The following EHMT1 variants were observed in gnomAD, a reference collection of about 807,000 sequenced individuals.
EHMT1 encodes the protein histone-lysine N-methyltransferase EHMT1.
EHMT1 carries 15 observed loss-of-function variants against 147.2 expected under a neutral mutation model. The ratio of observed to expected loss-of-function variants is 0.10; its 90% CI spans 0.07 to 0.16. The LOEUF is 0.16. Ranked by LOEUF, EHMT1 falls within the 10% of genes least tolerant of loss-of-function variation. The pLI, the probability that EHMT1 is intolerant of heterozygous loss-of-function variation, is 1.00. For missense variants in EHMT1, 1,587 were observed against 1,772.4 expected, an observed-to-expected ratio of 0.90 and a Z score of 1.88; for synonymous variants, 795 against 709.6, an observed-to-expected ratio of 1.12 and a Z score of -1.91.
At chr9:137,777,776 C>A in intron 12 of EHMT1, 106 bp from the exon 13 acceptor site, 1 of 1,501,016 alleles carries the variant, frequency 6.7e-7, no homozygotes. Context: ...GGACAGTAAG[C>A]AAATCCGCAG....
At chr9:137,832,755 C>A (rs1312506614) in intron 25 of EHMT1, 1 of 152,454 alleles carries the variant, frequency 6.6e-6, no homozygotes, top group African/African-American at 2.4e-5. Flanking sequence ...CTCTGCCAGA[C>A]GAGCTGCCCC....
chr9:137,711,995 C>T (rs1944777532), intron 2 of EHMT1, among the ~76,000 whole-genome samples: 1 of 152,208 alleles, frequency 6.6e-6, no homozygotes. Flanking sequence ...GGTTCTCGTC[C>T]ACCCACTGGC....
At chr9:137,630,560 C>T in intron 1 of EHMT1, among the ~76,000 whole-genome samples, 1 of 152,164 alleles carries the variant, frequency 6.6e-6, no homozygotes. Flanking sequence ...AACCTAGAAA[C>T]CTCAGGATGC....
Position 137,834,813 on chromosome 9 carries a change from C to T in EHMT1, c.3757C>T (p.Leu1253Phe). 3.7e-6 allele frequency: 6 copies of T among 1,612,766 alleles called. No homozygotes were observed. Among genetic ancestry groups the T allele is most frequent in the Non-Finnish European group, 5.1e-6 (6 of 1,179,712 alleles). The stretch of plus-strand genomic sequence containing the variant: ...GCGCTTCTGGGACATCAAAGGCAAG[C>T]TCTTCAGCTGCCGCTGCGGCTCCCC... ...GERFWDIKGK[L>F]FSCRCGSPKC... is the part of the protein sequence containing the mutation. The change falls in exon 27 of 27, where the codon CTC becomes TTC. Residue 1253 changes from leucine to phenylalanine, a missense_variant. Coordinates refer to ENST00000460843, the MANE Select transcript of EHMT1 (RefSeq NM_024757.5).
chr9:137,724,828 T>C (rs559019257), intron 3 of EHMT1, among the ~76,000 whole-genome samples: 1 of 148,580 alleles, frequency 6.7e-6, no homozygotes, highest in African/African-American at 2.5e-5. Context: ...ATTCGTGTGG[T>C]AGACTTGTGG....
intron 1 of EHMT1, among the ~76,000 whole-genome samples, chr9:137,710,760 T>C (rs1225530169): frequency 1.3e-5 from 2 of 152,150 alleles, no homozygotes; most frequent in Non-Finnish European, 2.9e-5. Context: ...AAAATAGAAA[T>C]ACAGGAGAAG....
At chr9:137,692,479 C>A (rs900102078) in intron 1 of EHMT1, among the ~76,000 whole-genome samples, 3 of 151,764 alleles carry the variant, frequency 2.0e-5, no homozygotes, top group Non-Finnish European at 4.4e-5. Flanking sequence ...TGGCCAGGCC[C>A]GATCTCGAAC....
intron 1 of EHMT1, among the ~76,000 whole-genome samples, chr9:137,701,306 CAG>C (rs1943805681): frequency 6.7e-6 from 1 of 148,912 alleles, no homozygotes; most frequent in Non-Finnish European, 1.5e-5. Flanking sequence ...TTTTTTGAGA[CAG>C]AGTCTCACTC....
Position 137,818,155 on chromosome 9 carries a change from G to A in EHMT1, c.3540+17G>A, listed in dbSNP as rs775511307. ...GACAATAAGGTAATGTGTTTTGTGGGGTTGGGGCCACGCAGAACTTGTGAA... is the reference window on the plus strand; with the variant it reads ...GACAATAAGGTAATGTGTTTTGTGGAGTTGGGGCCACGCAGAACTTGTGAA... On this transcript the variant is annotated intron_variant, in intron 25 of 26. Transcript: ENST00000460843. The A allele has an allele frequency of 6.2e-7, 1 of 1,613,964 alleles. No individual in the cohort carries two copies. The highest frequency in any genetic ancestry group is 1.7e-5 in the Admixed American group (1 of 60,026).
chr9:137,680,862 C>T (rs1403866873), intron 1 of EHMT1: 1 of 152,294 alleles, frequency 6.6e-6, no homozygotes, highest in Non-Finnish European at 1.5e-5. Context: ...GCTTGTCACT[C>T]ACAGATGAGC....
chr9:137,791,335 A>C (rs1203234661), intron 16 of EHMT1, among the ~76,000 whole-genome samples: 1 of 152,248 alleles, frequency 6.6e-6, no homozygotes, highest in Non-Finnish European at 1.5e-5. Flanking sequence ...CTCTGTTCAC[A>C]GATGACATGT....
rs1454645653 is a variant in EHMT1 at position 137,754,308 on chromosome 9, T to G, written c.1369+17T>G. On this transcript the variant is annotated intron_variant, in intron 8 of 26. Coordinates refer to ENST00000460843, the MANE Select transcript of EHMT1 (RefSeq NM_024757.5). The stretch of plus-strand genomic sequence containing the variant: ...GTGCCCTCGGTAAATGCCGTGGGGG[T>G]GTGGGCCATCACGGGGACTGCCTGG... 6.2e-7 allele frequency: 1 copy of G among 1,613,422 alleles called. No homozygotes were observed. The highest frequency in any genetic ancestry group is 1.1e-5 in the South Asian group (1 of 91,056).
chr9:137,658,624 T>C (rs1938739464), intron 1 of EHMT1, among the ~76,000 whole-genome samples: 1 of 151,770 alleles, frequency 6.6e-6, no homozygotes, highest in South Asian at 2.1e-4. Context: ...AATTTTTCTT[T>C]TTTTTTGAGA....
chr9:137,784,466 C>T, intron 15 of EHMT1: 1 of 1,089,806 alleles, frequency 9.2e-7, no homozygotes, highest in Non-Finnish European at 1.1e-6. Flanking sequence ...TTCGATTTTG[C>T]CGTTTCTCTT....
Position 137,835,829 on chromosome 9 carries a change from G to A in EHMT1, c.*876G>A, listed in dbSNP as rs1258328304. Reference sequence around the variant, plus strand: ...GAACAAAGTGATTTTAGAATAAAATGCAGGAAAAACTTTTTTAAAGATGTT... The same window carrying A: ...GAACAAAGTGATTTTAGAATAAAATACAGGAAAAACTTTTTTAAAGATGTT... On this transcript the variant is annotated 3_prime_UTR_variant, in exon 27 of 27. Transcript: ENST00000460843. The A allele has an allele frequency of 6.6e-6, 1 of 152,552 alleles. No homozygotes were observed. The highest frequency in any genetic ancestry group is 2.4e-5 in the African/African-American group (1 of 41,452). The allele number at this position is 152,552 out of a possible 1,614,324, so 9.4% of individuals were successfully genotyped here. A position where few individuals can be genotyped will look rare whatever the true frequency, so the allele number is the denominator to read the frequency against.
intron 1 of EHMT1, among the ~76,000 whole-genome samples, chr9:137,634,363 T>C (rs1843825630): frequency 6.6e-6 from 1 of 152,232 alleles, no homozygotes; most frequent in Non-Finnish European, 1.5e-5. Context: ...TCTTTTCATG[T>C]ACAGTTGGCT....
In EHMT1 at chr9:137,726,476, C is replaced by T. The variant is rs369502628; in HGVS notation, c.643-1873C>T. ...TCGCTGCTTCTCAGGCTGAGTCACA[C>T]GTCACTGCGTTTTGCACACGACACT... is the stretch of plus-strand genomic sequence containing the variant. On this transcript the variant is annotated intron_variant, in intron 3 of 26. Coordinates refer to ENST00000460843, the MANE Select transcript of EHMT1 (RefSeq NM_024757.5). 6.8e-3 allele frequency among the ~76,000 whole-genome samples: 1,042 copies of T among 152,308 alleles called. 7 individuals are homozygous for T. Among genetic ancestry groups the T allele is most frequent in the African/African-American group, 0.024 (979 of 41,546 alleles).
chr9:137,784,158 T>G, intron 15 of EHMT1: 5 of 1,551,112 alleles, frequency 3.2e-6, no homozygotes, highest in Non-Finnish European at 3.5e-6. Context: ...TGACTTATGG[T>G]GAGGACCTCG....
At chr9:137,719,460 C>G (rs1292067407) in intron 3 of EHMT1, among the ~76,000 whole-genome samples, 5 of 152,164 alleles carry the variant, frequency 3.3e-5, no homozygotes, top group Non-Finnish European at 7.4e-5. Context: ...ACAGATAAGG[C>G]GGGCACCTCG....
Sources: allele counts gnomAD v4.1 joint callset (sites outside exome capture counted in the v4.1 genomes callset), GRCh38; gene constraint gnomAD v4.1.1; transcripts MANE v1.5; gene names NCBI Gene and HGNC (gene_info 2026-07-23, HGNC 2026-07-21).